The following PRKCZ variants were observed in gnomAD, a reference collection of about 807,000 sequenced individuals.
PRKCZ encodes the protein protein kinase C zeta type.
Under a neutral mutation model 79.5 loss-of-function variants are expected in PRKCZ, and 33 were observed. That is an observed-to-expected ratio of 0.41 (90% CI 0.31 to 0.55). PRKCZ has a LOEUF of 0.55. Among genes scored for constraint, PRKCZ ranks in the 20% least tolerant of loss-of-function variants. The pLI, the probability that PRKCZ is intolerant of heterozygous loss-of-function variation, is 0.19. For synonymous variants in PRKCZ, 342 were observed against 320.9 expected (o/e 1.07, Z -0.70); for missense variants, 578 against 813.5 (o/e 0.71, Z 3.52).
rs568668498 is a variant in PRKCZ, at chr1:2,086,798, G to A, written c.334+27207G>A. Among the ~76,000 whole-genome samples the A allele has an allele frequency of 4.6e-5, 7 of 152,316 alleles. No individual in the cohort carries two copies. The South Asian group carries it at 1.2e-3, about 27-fold the overall frequency. On this transcript the variant is annotated intron_variant, in intron 4 of 17. Transcript: ENST00000378567. ...TGAGTGGGGTCTCCATCTGCACAGCGTGAGCCTGTTCGCTCGTGTGCTCTG... is the reference window on the plus strand; with the variant it reads ...TGAGTGGGGTCTCCATCTGCACAGCATGAGCCTGTTCGCTCGTGTGCTCTG...
chr1:2,123,978 C>T (rs373054819), intron 4 of PRKCZ, among the ~76,000 whole-genome samples: 1 of 10,764 alleles, frequency 9.3e-5, no homozygotes, highest in African/African-American at 4.1e-4. Context: ...AGGGTCACGG[C>T]GGTGGTTAGG....
At chr1:2,110,183 G>A (rs1231801662) in intron 4 of PRKCZ, among the ~76,000 whole-genome samples, 2 of 88,970 alleles carry the variant, frequency 2.2e-5, no homozygotes, top group African/African-American at 5.0e-5. Context: ...GATCCCAGAG[G>A]TGAGACACAG....
chr1:2,104,978 A>C, intron 4 of PRKCZ: 1 of 960,992 alleles, frequency 1.0e-6, no homozygotes. Context: ...TCACCCCGAC[A>C]GCCACCCTGG....
At chr1:2,101,921 G>C (rs1667510348) in intron 4 of PRKCZ, among the ~76,000 whole-genome samples, 1 of 152,228 alleles carries the variant, frequency 6.6e-6, no homozygotes, top group Non-Finnish European at 1.5e-5. Flanking sequence ...ATATGTAGCA[G>C]ATATGTGATA....
chr1:2,148,759 G>T, intron 7 of PRKCZ, 113 bp from the exon 8 acceptor site: 1 of 1,046,268 alleles, frequency 9.6e-7, no homozygotes. Context: ...GCTGCTGTGT[G>T]GATTCACCCT....
intron 16 of PRKCZ, among the ~76,000 whole-genome samples, chr1:2,176,856 A>G (rs373858337): frequency 6.6e-6 from 1 of 152,236 alleles, no homozygotes. Flanking sequence ...CCCTTCCTAC[A>G]TACAGCCCTT....
chr1:2,129,261 C>T (rs1472723172), intron 4 of PRKCZ, among the ~76,000 whole-genome samples: 1 of 152,182 alleles, frequency 6.6e-6, no homozygotes, highest in Non-Finnish European at 1.5e-5. Context: ...TTTTTCAAGG[C>T]AGGTGCTCCT....
In PRKCZ at chr1:2,183,220, G is replaced by GTCTCCA. The variant is rs200531923; in HGVS notation, c.1576-1359_1576-1358insCATCTC. ...CACTTCAGCCTGGGAGACAGAGCGA[G>GTCTCCA]TCTCAAAACAAAAACAAAAAACAAA... On this transcript the variant is annotated intron_variant, in intron 16 of 17. Transcript: ENST00000378567. Among the ~76,000 whole-genome samples the GTCTCCA allele has an allele frequency of 7.1e-3, 326 of 45,736 alleles. 1 individual carries two copies. Among genetic ancestry groups the GTCTCCA allele is most frequent in the African/African-American group, 0.05 (257 of 5,090 alleles). The allele number at this position is 45,736 out of a possible 152,430, so 30.0% of individuals were successfully genotyped here.
intron 4 of PRKCZ, among the ~76,000 whole-genome samples, chr1:2,095,574 G>A (rs1244709964): frequency 6.6e-6 from 1 of 152,078 alleles, no homozygotes; most frequent in Non-Finnish European, 1.5e-5. Flanking sequence ...CGCGCTTTGC[G>A]TCAGATGCGT....
chr1:2,079,127 C>G (rs1005217158), intron 4 of PRKCZ, among the ~76,000 whole-genome samples: 1 of 152,222 alleles, frequency 6.6e-6, no homozygotes, highest in Non-Finnish European at 1.5e-5. Context: ...CAGGCGTGAG[C>G]CACTGCGCCC....
chr1:2,160,337 TGACGTCCCTGGAACTGGTCACCAGC>T (rs1316854740), intron 10 of PRKCZ, among the ~76,000 whole-genome samples: 1 of 150,220 alleles, frequency 6.7e-6, no homozygotes. Context: ...CAGCAGAGAG[TGACGTCCCTGGAACTGGTCACCAGC>T]GTCAGGAGGC....
chr1:2,182,183 T>C (rs559780906), intron 16 of PRKCZ: 15 of 224,278 alleles, frequency 6.7e-5, no homozygotes, highest in Admixed American at 1.8e-4. Context: ...TTTCCACGAT[T>C]CCGTTCCCAG....
rs1289033701 is a variant in PRKCZ at position 2,124,381 on chromosome 1, G to T, written c.335-10881G>T. Reference sequence around the variant, plus strand: ...TGGTTAGGGTCACGGCGGCGGTTAGGGTCACGGCGGTGGTTAGGGTCACGG... The same window carrying T: ...TGGTTAGGGTCACGGCGGCGGTTAGTGTCACGGCGGTGGTTAGGGTCACGG... On this transcript the variant is annotated intron_variant, in intron 4 of 17. Coordinates refer to ENST00000378567, the MANE Select transcript of PRKCZ (RefSeq NM_002744.6). Among the ~76,000 whole-genome samples the T allele has an allele frequency of 4.9e-5, 6 of 122,418 alleles. 1 individual carries two copies. The highest frequency in any genetic ancestry group is 2.1e-4 in the African/African-American group (6 of 29,054). The allele number at this position is 122,418 out of a possible 152,430, so 80.3% of individuals were successfully genotyped here.
chr1:2,061,162 A>T (rs1660639041), intron 4 of PRKCZ, among the ~76,000 whole-genome samples: 1 of 152,140 alleles, frequency 6.6e-6, no homozygotes, highest in Non-Finnish European at 1.5e-5. Context: ...CCTCTGTCCC[A>T]TGTGTGCTGA....
chr1:2,061,875 G>C (rs1476396623), intron 4 of PRKCZ, among the ~76,000 whole-genome samples: 1 of 152,230 alleles, frequency 6.6e-6, no homozygotes, highest in Admixed American at 6.5e-5. Flanking sequence ...CCCTGCTCTG[G>C]TTGCCAGTGG....
intron 4 of PRKCZ, among the ~76,000 whole-genome samples, chr1:2,068,326 AGACCCAG>A (rs1661292810): frequency 1.3e-5 from 2 of 152,256 alleles, no homozygotes; most frequent in African/African-American, 4.8e-5. Context: ...GGGAGGCTGC[AGACCCAG>A]GCCAAGGTGT....
At chr1:2,138,903 C>CA (rs1676762813) in intron 5 of PRKCZ, among the ~76,000 whole-genome samples, 2 of 152,182 alleles carry the variant, frequency 1.3e-5, no homozygotes, top group African/African-American at 4.8e-5. Context: ...CACTGGGCGA[C>CA]AGAGTGAGAC....
intron 6 of PRKCZ, 35 bp downstream of exon 6, chr1:2,144,376 G>A (rs770814498): frequency 1.9e-6 from 3 of 1,548,780 alleles, no homozygotes; most frequent in African/African-American, 2.7e-5. Flanking sequence ...CGGGGGGCAC[G>A]GGCGGGGTCG....
chr1:2,084,426 C>G (rs1664120153), intron 4 of PRKCZ, among the ~76,000 whole-genome samples: 1 of 152,226 alleles, frequency 6.6e-6, no homozygotes, highest in Admixed American at 6.5e-5. Context: ...TGCCTGGTCT[C>G]TGGGACCCCC....
Sources: gnomAD v4.1 joint callset for allele counts (sites outside exome capture counted in the v4.1 genomes callset) on GRCh38, gnomAD v4.1.1 for gene constraint, MANE v1.5 for transcripts, NCBI Gene and HGNC (gene_info 2026-07-23, HGNC 2026-07-21) for gene names.